Variants in PECR observed in about 807,000 individuals in gnomAD.
PECR encodes the protein peroxisomal trans-2-enoyl-CoA reductase.
PECR carries 30 observed loss-of-function variants against 35.3 expected under a neutral mutation model. That is an observed-to-expected ratio of 0.85 (90% confidence interval 0.64 to 1.15). The LOEUF (loss-of-function observed/expected upper bound fraction) is 1.15. Among genes scored for constraint, PECR ranks in the 50% most tolerant of loss-of-function variants. The probability of loss-of-function intolerance (pLI) is 0.00; values close to 1 mark genes in which losing one functional copy is unlikely to be tolerated. For synonymous variants in PECR, 148 were observed against 138.9 expected (o/e 1.07, Z -0.46); for missense variants, 392 against 370.8 (o/e 1.06, Z -0.47).
downstream of PECR, among the ~76,000 whole-genome samples, chr2:216,034,814 G>C (rs1192829437): frequency 6.6e-6 from 1 of 152,168 alleles, no homozygotes; most frequent in African/African-American, 2.4e-5. Flanking sequence ...AATCCTCATG[G>C]AAGAGGTGTA....
intron 4 of PECR, among the ~76,000 whole-genome samples, chr2:216,058,127 GGGCTTGCACGAC>G (rs1247131845): frequency 6.6e-6 from 1 of 152,150 alleles, no homozygotes; most frequent in African/African-American, 2.4e-5. Context: ...ATCCCCTCCA[GGGCTTGCACGAC>G]GGCTGCGCTC....
chr2:216,034,236 C>T (rs1417350622), downstream of PECR: 1 of 152,260 alleles, frequency 6.6e-6, no homozygotes, highest in East Asian at 1.9e-4. Context: ...TGAAGTTTTA[C>T]AGTTGCAGAA....
intron 3 of PECR, among the ~76,000 whole-genome samples, chr2:216,061,946 T>C (rs1167778013): frequency 1.3e-5 from 2 of 151,468 alleles, no homozygotes; most frequent in Non-Finnish European, 2.9e-5. Flanking sequence ...TCAAATTGTT[T>C]ATTTAAAACG....
At chr2:216,080,257 G>T (rs181394426) in intron 1 of PECR, among the ~76,000 whole-genome samples, 1 of 151,944 alleles carries the variant, frequency 6.6e-6, no homozygotes, top group Admixed American at 6.6e-5. Context: ...TGTATTTTTA[G>T]TAGAAATGGA....
intron 4 of PECR, among the ~76,000 whole-genome samples, chr2:216,055,284 T>C (rs192799524): frequency 6.6e-6 from 1 of 150,436 alleles, no homozygotes; most frequent in Non-Finnish European, 1.5e-5. Context: ...TTAAAAATAC[T>C]AAATTAGCCG....
intron 1 of PECR, among the ~76,000 whole-genome samples, chr2:216,077,715 A>G (rs7557927): frequency 0.099 from 14,768 of 149,776 alleles, 1,390 homozygotes; most frequent in African/African-American, 0.25. Context: ...GCTGAGGCAG[A>G]AGAATCGCTT....
rs765476654 is a variant in PECR, at chr2:216,081,634, C to T, written c.108G>A (p.Lys36=). 5 of 1,613,768 alleles carry T rather than the reference C, an allele frequency of 3.1e-6. No individual in the cohort carries two copies. The South Asian group carries it at 5.5e-5, about 18-fold the overall frequency. The change falls in exon 1 of 8, where the codon AAG becomes AAA. Residue 36 remains lysine (K), a synonymous_variant. Coordinates refer to ENST00000265322, the MANE Select transcript of PECR (RefSeq NM_018441.6). ...CTCACGTACCCAGCTCCAGGAGCTC[C>T]TTCACGATGGCTTTTCCGATGCCCG... ...GATGIGKAIV[K]ELLELGSNVV... is the part of the protein sequence containing the mutation.
chr2:216,043,632 C>T (rs114365559), intron 7 of PECR, among the ~76,000 whole-genome samples: 4,335 of 152,072 alleles, frequency 0.029, 79 homozygotes, highest in Non-Finnish European at 0.043. Flanking sequence ...TCTCCTCTTT[C>T]GAAACATATA....
At chr2:216,073,729 T>C (rs908267475) in intron 1 of PECR, among the ~76,000 whole-genome samples, 2 of 152,216 alleles carry the variant, frequency 1.3e-5, no homozygotes, top group African/African-American at 2.4e-5. Context: ...TACCTTTGTG[T>C]TACTATTTCC....
Position 216,046,101 on chromosome 2 carries a change from C to CA in PECR, c.715-2087dup, listed in dbSNP as rs766629600. On this transcript the variant is annotated intron_variant, in intron 6 of 7. Transcript: ENST00000265322. Reference sequence around the variant, plus strand: ...GCTGAGGCAGGAGAATCGCTTGAACCAAAAAAAAAAAAAAAAGTTTTTGTT... The same window carrying CA: ...GCTGAGGCAGGAGAATCGCTTGAACCAAAAAAAAAAAAAAAAAGTTTTTGTT... Among the ~76,000 whole-genome samples, 443 of 98,680 alleles carry CA rather than the reference C, an allele frequency of 4.5e-3. 2 individuals carry two copies. The highest frequency in any genetic ancestry group is 0.012 in the African/African-American group (303 of 25,966). 64.7% of individuals were successfully genotyped at this position (98,680 alleles called of 152,430 possible). A position where few individuals can be genotyped will look rare whatever the true frequency, so the allele number is the denominator to read the frequency against.
At chr2:216,046,725 C>T (rs1046871446) in intron 6 of PECR, among the ~76,000 whole-genome samples, 6 of 152,114 alleles carry the variant, frequency 3.9e-5, no homozygotes, top group African/African-American at 1.4e-4. Flanking sequence ...TAACATGGCT[C>T]ATCAAATGTT....
chr2:216,038,191 T>G (rs1694830680), downstream of PECR, among the ~76,000 whole-genome samples: 1 of 152,200 alleles, frequency 6.6e-6, no homozygotes, highest in African/African-American at 2.4e-5. Flanking sequence ...AGACAAAGAA[T>G]GAACATATTC....
intron 1 of PECR, among the ~76,000 whole-genome samples, chr2:216,074,460 A>AAAAG: frequency 6.6e-6 from 1 of 150,616 alleles, no homozygotes; most frequent in Non-Finnish European, 1.5e-5. Flanking sequence ...GAAAAGAAAG[A>AAAAG]AAAGAAAGAA....
chr2:216,040,025 G>T (rs1694859805), intron 7 of PECR, among the ~76,000 whole-genome samples: 1 of 152,174 alleles, frequency 6.6e-6, no homozygotes, highest in South Asian at 2.1e-4. Context: ...AGAAGTATCA[G>T]CCTTACACAT....
At chr2:216,040,236 C>T (rs1694863314) in intron 7 of PECR, among the ~76,000 whole-genome samples, 1 of 152,140 alleles carries the variant, frequency 6.6e-6, no homozygotes, top group African/African-American at 2.4e-5. Context: ...TGACTAAAAG[C>T]ATCCAATTCG....
intron 5 of PECR, among the ~76,000 whole-genome samples, chr2:216,050,524 A>T (rs1695088400): frequency 6.6e-6 from 1 of 152,234 alleles, no homozygotes; most frequent in Non-Finnish European, 1.5e-5. Flanking sequence ...GTCAGAGATG[A>T]GATTACTAAC....
At chr2:216,056,777 G>C (rs938318520) in intron 4 of PECR, among the ~76,000 whole-genome samples, 4 of 148,784 alleles carry the variant, frequency 2.7e-5, no homozygotes, top group African/African-American at 9.9e-5. Flanking sequence ...ACAATACATA[G>C]TAAGAATGTT....
chr2:216,057,806 T>G (rs1574691795), intron 4 of PECR: 1 of 152,092 alleles, frequency 6.6e-6, no homozygotes, highest in Non-Finnish European at 1.5e-5. Flanking sequence ...TTTCTACAGT[T>G]TTTGGTTAAT....
chr2:216,078,311 T>C (rs182600864), intron 1 of PECR, among the ~76,000 whole-genome samples: 4 of 152,016 alleles, frequency 2.6e-5, no homozygotes, highest in Non-Finnish European at 5.9e-5. Context: ...TAGCCATTGA[T>C]TCTGGCATAA....
Sources: allele counts gnomAD v4.1 joint callset (sites outside exome capture counted in the v4.1 genomes callset), GRCh38; gene constraint gnomAD v4.1.1; transcripts MANE v1.5; gene names NCBI Gene and HGNC (gene_info 2026-07-23, HGNC 2026-07-21).